The following ERC2 variants were observed in gnomAD, a reference collection of about 807,000 sequenced individuals.
ERC2 encodes the protein ERC protein 2.
Under a neutral mutation model 114.8 loss-of-function variants are expected in ERC2, and 42 were observed. The ratio of observed to expected loss-of-function variants is 0.37; its 90% CI spans 0.29 to 0.47. ERC2 has a LOEUF of 0.47. Among genes scored for constraint, ERC2 ranks in the 20% least tolerant of loss-of-function variants. The pLI, the probability that ERC2 is intolerant of heterozygous loss-of-function variation, is 0.99. For synonymous variants in ERC2, 454 were observed against 425.5 expected (o/e 1.07, Z -0.82); for missense variants, 939 against 1,150.7 (o/e 0.82, Z 2.66).
Position 55,583,399 on chromosome 3 carries a change from T to TCC in ERC2, c.*40-72124_*40-72123insGG, listed in dbSNP as rs2057375197. Among the ~76,000 whole-genome samples the TCC allele has an allele frequency of 9.2e-5, 8 of 87,074 alleles. No homozygotes were observed. In the East Asian group the frequency reaches 2.5e-3, roughly 28 times the overall value. The allele number at this position is 87,074 out of a possible 152,430, so 57.1% of individuals were successfully genotyped here. ...CTTTCCTTCTTTCTTTCCTTCCTTC[T>TCC]TTCCTTCCTTCCTTCCTTCCTTCCT... On this transcript the variant is annotated intron_variant, in intron 17 of 17. Coordinates refer to ENST00000288221, the MANE Select transcript of ERC2 (RefSeq NM_015576.3).
At position 55,706,376 on chromosome 3, in the gene ERC2, G is replaced by GT. The variant is rs35100795; in HGVS notation, c.2713-6865dup. Among the ~76,000 whole-genome samples, 1,467 of 150,956 alleles carry GT rather than the reference G, an allele frequency of 9.7e-3. 25 individuals are homozygous for GT. The highest frequency in any genetic ancestry group is 0.031 in the African/African-American group (1,269 of 40,996). On this transcript the variant is annotated intron_variant, in intron 15 of 17. Coordinates refer to ENST00000288221, the MANE Select transcript of ERC2 (RefSeq NM_015576.3). ...CTTGGGATCTGTTTTGTTTGTTTCT[G>GT]TTTTTTTTTGTTTTTGTTTTTGTTG...
At chr3:55,814,523 C>T (rs541668390) in intron 14 of ERC2, among the ~76,000 whole-genome samples, 1 of 152,136 alleles carries the variant, frequency 6.6e-6, no homozygotes, top group African/African-American at 2.4e-5. Context: ...CCTTTCTGTT[C>T]AAATAGGGCT....
intron 5 of ERC2, among the ~76,000 whole-genome samples, chr3:56,140,503 T>C (rs897448588): frequency 6.6e-6 from 1 of 152,160 alleles, no homozygotes; most frequent in Non-Finnish European, 1.5e-5. Context: ...GTACATAGAG[T>C]TCATTCATTT....
rs141135484 is a variant in ERC2 at position 56,139,680 on chromosome 3, C to A, written c.1306-4G>T. The A allele has an allele frequency of 6.3e-7, 1 of 1,589,270 alleles. No individual in the cohort carries two copies. On this transcript the variant is annotated splice_polypyrimidine_tract_variant and splice_region_variant and intron_variant, in intron 5 of 17. Coordinates refer to ENST00000288221, the MANE Select transcript of ERC2 (RefSeq NM_015576.3). ...GTTCCTGCTTCAGCTGATCAATCTG[C>A]AAAACAACAACAAAATTGCAAGAAA...
chr3:55,613,700 C>T lies in ERC2; in HGVS notation c.*39+70094G>A, dbSNP rs557768421. On this transcript the variant is annotated intron_variant, in intron 17 of 17. Coordinates refer to ENST00000288221, the MANE Select transcript of ERC2 (RefSeq NM_015576.3). ...GACTAACTCAAGACGTGGCTGTGGC[C>T]GGGCGTGGTGGCTCATGCCTATAAT... Among the ~76,000 whole-genome samples, 174 of 152,110 alleles carry T rather than the reference C, an allele frequency of 1.1e-3. 1 individual carries two copies. Among genetic ancestry groups the T allele is most frequent in the African/African-American group, 3.8e-3 (159 of 41,506 alleles).
intron 17 of ERC2, among the ~76,000 whole-genome samples, chr3:55,533,009 C>A (rs2053765643): frequency 6.6e-6 from 1 of 152,220 alleles, no homozygotes; most frequent in African/African-American, 2.4e-5. Flanking sequence ...CCCCTAAAAT[C>A]CTGGGGCATG....
chr3:55,932,432 T>A (rs972712705), intron 13 of ERC2, among the ~76,000 whole-genome samples: 8 of 152,168 alleles, frequency 5.3e-5, no homozygotes, highest in Non-Finnish European at 1.2e-4. Flanking sequence ...GAGATGGATA[T>A]CATGTTTTCT....
chr3:55,649,499 A>T (rs2060526779), intron 17 of ERC2, among the ~76,000 whole-genome samples: 1 of 152,066 alleles, frequency 6.6e-6, no homozygotes, highest in South Asian at 2.1e-4. Context: ...TGACCTCATG[A>T]TCCATCCGCC....
At chr3:56,392,565 C>T (rs550953261) in intron 2 of ERC2, among the ~76,000 whole-genome samples, 1 of 152,234 alleles carries the variant, frequency 6.6e-6, no homozygotes, top group South Asian at 2.1e-4. Context: ...TATCTACTCC[C>T]TCCTTTGACC....
Position 55,683,831 on chromosome 3 carries a change from G to A in ERC2, c.*2C>T, listed in dbSNP as rs751233318. 7.9e-5 allele frequency: 127 copies of A among 1,612,418 alleles called. No individual in the cohort carries two copies. Among genetic ancestry groups the A allele is most frequent in the Non-Finnish European group, 1.0e-4 (120 of 1,179,324 alleles). ...AACTGGAACTTTGGTTTACAGGCCCGGCTATGCCCATATGCCCTCCTCGTC... is the reference window on the plus strand; with the variant it reads ...AACTGGAACTTTGGTTTACAGGCCCAGCTATGCCCATATGCCCTCCTCGTC... On this transcript the variant is annotated 3_prime_UTR_variant, in exon 17 of 18. Transcript: ENST00000288221.
intron 7 of ERC2, among the ~76,000 whole-genome samples, chr3:56,051,514 G>T (rs947632436): frequency 2.0e-5 from 3 of 152,122 alleles, no homozygotes; most frequent in African/African-American, 7.2e-5. Flanking sequence ...CGTTTTCAGT[G>T]TTTCTTTAAA....
intron 2 of ERC2, among the ~76,000 whole-genome samples, chr3:56,416,950 G>A (rs1282558998): frequency 3.3e-5 from 5 of 152,160 alleles, no homozygotes; most frequent in African/African-American, 1.2e-4. Flanking sequence ...TCTAAAGGCC[G>A]GTGCAGAGAT....
intron 13 of ERC2, among the ~76,000 whole-genome samples, chr3:55,923,375 C>T (rs2065548089): frequency 6.6e-6 from 1 of 151,750 alleles, no homozygotes; most frequent in African/African-American, 2.4e-5. Flanking sequence ...TTGCCAGGGA[C>T]CAGGGGTATG....
intron 2 of ERC2, among the ~76,000 whole-genome samples, chr3:56,360,071 T>TTC: frequency 6.8e-6 from 1 of 147,084 alleles, no homozygotes; most frequent in East Asian, 2.0e-4. Context: ...CTTTTTTTTT[T>TTC]TTTTTTTTTT....
chr3:56,275,835 T>C (rs180704018), intron 3 of ERC2, among the ~76,000 whole-genome samples: 4 of 152,154 alleles, frequency 2.6e-5, no homozygotes, highest in Admixed American at 2.0e-4. Flanking sequence ...TGACATGACT[T>C]GGGGGAGTAA....
chr3:56,046,631 T>G (rs564612459), intron 7 of ERC2, among the ~76,000 whole-genome samples: 54 of 152,300 alleles, frequency 3.5e-4, no homozygotes, highest in African/African-American at 1.3e-3. Flanking sequence ...ACCTGATAAA[T>G]TCTAATGGAC....
At chr3:56,406,731 T>A (rs957016351) in intron 2 of ERC2, among the ~76,000 whole-genome samples, 1 of 152,188 alleles carries the variant, frequency 6.6e-6, no homozygotes, top group Admixed American at 6.5e-5. Context: ...TTGAACAGTA[T>A]TATTGTGTTT....
intron 3 of ERC2, among the ~76,000 whole-genome samples, chr3:56,181,817 G>T (rs1300028347): frequency 6.6e-6 from 1 of 152,152 alleles, no homozygotes; most frequent in African/African-American, 2.4e-5. Context: ...CACATCATGA[G>T]GATATCAAGA....
chr3:55,960,714 T>C (rs1172957644), intron 12 of ERC2, among the ~76,000 whole-genome samples: 1 of 152,206 alleles, frequency 6.6e-6, no homozygotes, highest in African/African-American at 2.4e-5. Context: ...CATGTCCAAG[T>C]TGGACGAGGA....
Sources: allele counts gnomAD v4.1 joint callset (sites outside exome capture counted in the v4.1 genomes callset), GRCh38; gene constraint gnomAD v4.1.1; transcripts MANE v1.5; gene names NCBI Gene and HGNC (gene_info 2026-07-23, HGNC 2026-07-21).